The following LRRC37A2 variants were observed in gnomAD, a reference collection of about 807,000 sequenced individuals.
LRRC37A2 encodes the protein leucine-rich repeat-containing protein 37A2.
A neutral mutation model predicts 68.8 loss-of-function variants in LRRC37A2; 9 were observed. The observed-to-expected ratio is 0.13, with a 90% CI of 0.08 to 0.23. The LOEUF (loss-of-function observed/expected upper bound fraction) is 0.23. Ranked by LOEUF, LRRC37A2 falls within the 10% of genes least tolerant of loss-of-function variation. The pLI is 1.00. For missense variants in LRRC37A2, 168 were observed against 950.4 expected, an observed-to-expected ratio of 0.18 and a Z score of 10.82; for synonymous variants, 63 against 367.6, an observed-to-expected ratio of 0.17 and a Z score of 9.48.
chr17:46,962,059 C>T, the LRRC37A2 span, among the ~76,000 whole-genome samples: 1 of 152,152 alleles, frequency 6.6e-6, no homozygotes, highest in Admixed American at 6.5e-5. Context: ...GGGCCAGGCA[C>T]AGTGGCTCAT....
chr17:46,896,452 A>AAAAGAAAGAAAGAAAGAAAG, the LRRC37A2 span, among the ~76,000 whole-genome samples: 83 of 65,874 alleles, frequency 1.3e-3, 1 homozygote, highest in African/African-American at 4.0e-3. Context: ...GAAAGAAAGA[A>AAAAGAAAGAAAGAAAGAAAG]AAAGAAAGAA....
chr17:46,872,648 G>A, the LRRC37A2 span: 2 of 1,613,688 alleles, frequency 1.2e-6, no homozygotes, highest in Non-Finnish European at 1.7e-6. Flanking sequence ...CTCTGCCGGA[G>A]GGAGCCCGGC....
chr17:46,906,383 C>T, the LRRC37A2 span, among the ~76,000 whole-genome samples: 2 of 152,226 alleles, frequency 1.3e-5, no homozygotes, highest in Non-Finnish European at 2.9e-5. Flanking sequence ...AGCATGTCTA[C>T]ACCAGGAAGG....
chr17:46,832,020 G>A, the LRRC37A2 span, among the ~76,000 whole-genome samples: 1 of 152,234 alleles, frequency 6.6e-6, no homozygotes, highest in Admixed American at 6.5e-5. Flanking sequence ...CTAGGTGAAG[G>A]GTTGTCCATG....
the LRRC37A2 span, chr17:46,763,732 A>G: frequency 2.0e-5 from 3 of 151,182 alleles, no homozygotes; most frequent in African/African-American, 7.3e-5. Context: ...GAAGGACTGA[A>G]TGGCCCCTTC....
the LRRC37A2 span, among the ~76,000 whole-genome samples, chr17:46,822,935 T>A: frequency 1.3e-5 from 2 of 151,446 alleles, no homozygotes; most frequent in African/African-American, 4.9e-5. Flanking sequence ...AGGTTCTCCC[T>A]GTGGCAGTAG....
chr17:46,928,057 A>G, the LRRC37A2 span, among the ~76,000 whole-genome samples: 1 of 151,672 alleles, frequency 6.6e-6, no homozygotes, highest in Non-Finnish European at 1.5e-5. Context: ...CTGCATTCCT[A>G]CATCAGCCCC....
the LRRC37A2 span, among the ~76,000 whole-genome samples, chr17:46,724,645 A>G: frequency 6.6e-6 from 1 of 152,218 alleles, no homozygotes; most frequent in Admixed American, 6.5e-5. Context: ...ATGCTTTGTT[A>G]TAATTACATG....
At chr17:47,038,253 A>G in the LRRC37A2 span, among the ~76,000 whole-genome samples, 2 of 152,192 alleles carry the variant, frequency 1.3e-5, no homozygotes, top group African/African-American at 4.8e-5. Flanking sequence ...GTGAGCCATG[A>G]TTGTGCCACT....
the LRRC37A2 span, chr17:46,932,063 C>G: frequency 6.2e-7 from 1 of 1,613,248 alleles, no homozygotes; most frequent in Non-Finnish European, 8.5e-7. Context: ...TCCATCAATT[C>G]CAGTCGGGTT....
the LRRC37A2 span, among the ~76,000 whole-genome samples, chr17:46,984,711 G>A: frequency 1.3e-5 from 2 of 152,190 alleles, no homozygotes; most frequent in Non-Finnish European, 2.9e-5. Context: ...CTCCTAATTA[G>A]TATCACTTGC....
At chr17:46,803,497 C>T in the LRRC37A2 span, among the ~76,000 whole-genome samples, 1 of 152,146 alleles carries the variant, frequency 6.6e-6, no homozygotes, top group African/African-American at 2.4e-5. Flanking sequence ...TCACTGCAAT[C>T]CAACCTGGGC....
At chr17:46,948,773 C>T in the LRRC37A2 span, 1 of 152,172 alleles carries the variant, frequency 6.6e-6, no homozygotes, top group Non-Finnish European at 1.5e-5. Context: ...GCCTGCAGAG[C>T]TGGTTGATTT....
chr17:46,938,203 A>G, the LRRC37A2 span, among the ~76,000 whole-genome samples: 1 of 151,812 alleles, frequency 6.6e-6, no homozygotes, highest in Non-Finnish European at 1.5e-5. Context: ...TTTTTTCTAG[A>G]AGCTTTAATT....
the LRRC37A2 span, chr17:46,768,292 C>T: frequency 3.7e-6 from 6 of 1,612,716 alleles, no homozygotes; most frequent in Non-Finnish European, 5.1e-6. The surrounding 1 kb of genome is among the most constrained non-coding windows in gnomAD (Gnocchi z 5.0). Flanking sequence ...CAGCCTCCCC[C>T]CTGCTTCCCG....
the LRRC37A2 span, chr17:46,940,843 C>T: frequency 6.9e-7 from 1 of 1,452,624 alleles, no homozygotes; most frequent in Non-Finnish European, 9.1e-7. Context: ...GCCAGTGTGT[C>T]TGGACACCCA....
chr17:46,810,021 T>TTC, the LRRC37A2 span, among the ~76,000 whole-genome samples: 67 of 150,082 alleles, frequency 4.5e-4, no homozygotes, highest in African/African-American at 1.6e-3. Context: ...TTTTTTTTTT[T>TTC]TTGAGACAGA....
the LRRC37A2 span, among the ~76,000 whole-genome samples, chr17:46,883,805 CCTCT>C: frequency 1.3e-5 from 2 of 152,090 alleles, no homozygotes; most frequent in Non-Finnish European, 2.9e-5. Flanking sequence ...CTTGTCTTCT[CCTCT>C]CTCTCTTTCT....
intron 6 of LRRC37A2, among the ~76,000 whole-genome samples, chr17:46,536,997 T>C (rs1467063409): frequency 3.9e-5 from 1 of 25,720 alleles, no homozygotes; most frequent in African/African-American, 2.7e-4. Flanking sequence ...TTACAGAAAT[T>C]TTTTTTGAAT....
Sources: gnomAD v4.1 joint callset for allele counts (sites outside exome capture counted in the v4.1 genomes callset) on GRCh38, gnomAD v4.1.1 for gene constraint, Gnocchi (gnomAD v3.1) non-coding constraint, MANE v1.5 for transcripts, NCBI Gene and HGNC (gene_info 2026-07-23, HGNC 2026-07-21) for gene names.